ASPHD1: variants seen among roughly 807,000 people sequenced by gnomAD.
ASPHD1 encodes the protein aspartate beta-hydroxylase domain-containing protein 1.
In ASPHD1, 20 loss-of-function variants were observed where a neutral mutation model predicts 28.3. That is an observed-to-expected ratio of 0.71 (90% CI 0.50 to 1.03). The LOEUF is 1.03. Ranked by LOEUF, ASPHD1 falls within the 50% of genes least tolerant of loss-of-function variation. The probability of loss-of-function intolerance (pLI) is 0.00; values close to 1 mark genes in which losing one functional copy is unlikely to be tolerated. For missense variants in ASPHD1, 479 were observed against 524.1 expected (o/e 0.91, Z 0.84); for synonymous variants, 240 against 221.2 (o/e 1.08, Z -0.75).
intron 3 of ASPHD1, among the ~76,000 whole-genome samples, chr16:29,915,957 TTAAGTG>T (rs2150839588): frequency 6.6e-6 from 1 of 152,282 alleles, no homozygotes; most frequent in African/African-American, 2.4e-5. Flanking sequence ...TCTTTTTCAT[TTAAGTG>T]TTTTTTTTCT....
intron 3 of ASPHD1, chr16:29,912,058 G>A (rs200337695): frequency 1.1e-5 from 17 of 1,585,634 alleles, no homozygotes; most frequent in Non-Finnish European, 1.5e-5. Context: ...TGCTGGGGAA[G>A]AAGCGGAAGG....
At chr16:29,911,127 G>A in intron 3 of ASPHD1, 1 of 1,614,176 alleles carries the variant, frequency 6.2e-7, no homozygotes, top group Non-Finnish European at 8.5e-7. Flanking sequence ...CGCAGGGCCA[G>A]CTTGTCGAAC....
chr16:29,911,041 G>A (rs759768313), downstream of ASPHD1: 3 of 1,614,164 alleles, frequency 1.9e-6, no homozygotes, highest in Non-Finnish European at 2.5e-6. Flanking sequence ...CGATTTTGCG[G>A]CCCTGCCCGT....
intron 2 of ASPHD1, 82 bp downstream of exon 2, chr16:29,905,047 C>G: frequency 9.9e-7 from 1 of 1,005,786 alleles, no homozygotes; most frequent in Non-Finnish European, 1.5e-6. Flanking sequence ...GAATCAGGCC[C>G]AACGGACTTC....
chr16:29,911,699 A>G, intron 3 of ASPHD1: 1 of 1,096,788 alleles, frequency 9.1e-7, no homozygotes, highest in Non-Finnish European at 1.3e-6. Flanking sequence ...CGAATCTGCG[A>G]GCAGGCACAG....
At chr16:29,910,943 C>A, downstream of ASPHD1, 2 of 1,590,778 alleles carry the variant, frequency 1.3e-6, no homozygotes, top group South Asian at 2.3e-5. Flanking sequence ...CTGGCCACCC[C>A]CAGCCCCCAA....
At chr16:29,919,559 C>T (rs556162373) in exon 4 of ASPHD1, 1 of 152,248 alleles carries the variant, frequency 6.6e-6, no homozygotes, top group South Asian at 2.1e-4. Flanking sequence ...AAGATCTAGA[C>T]TGGACCCTGG....
rs1597001502 is a variant in ASPHD1 at position 29,900,716 on chromosome 16, T to G, written c.-256T>G. 3.6e-6 allele frequency: 2 copies of G among 557,978 alleles called. No homozygotes were observed. Among genetic ancestry groups the G allele is most frequent in the Non-Finnish European group, 6.3e-6 (2 of 315,872 alleles). 34.6% of individuals were successfully genotyped at this position (557,978 alleles called of 1,614,324 possible). Reference sequence around the variant, plus strand: ...GCCGCGGAGGAAGACAGGCTGCGGGTTCCCGGGACTGCAGGTCCAGGCAGG... The same window carrying G: ...GCCGCGGAGGAAGACAGGCTGCGGGGTCCCGGGACTGCAGGTCCAGGCAGG... On this transcript the variant is annotated 5_prime_UTR_variant, in exon 1 of 3. Transcript: ENST00000308748.
At chr16:29,902,154 C>A (rs904720428) in intron 1 of ASPHD1, among the ~76,000 whole-genome samples, 2 of 152,198 alleles carry the variant, frequency 1.3e-5, no homozygotes, top group Non-Finnish European at 2.9e-5. Flanking sequence ...GGCTCTCCCC[C>A]CGACCTTTTG....
chr16:29,904,878 C>A lies in ASPHD1; in HGVS notation c.976C>A (p.Leu326Met). Residue 326 changes from leucine to methionine, a missense_variant, in exon 2 of 3, where the codon CTG becomes ATG. By Grantham distance (15) the Leu-to-Met change is conservative. Coordinates refer to ENST00000308748, the MANE Select transcript of ASPHD1 (RefSeq NM_181718.4). ...CCTAAAGATCCCTCCTGGCTGTGAG[C>A]TGGTGGTCGGCGGTGAGCCCCAGTG... ...LGLKIPPGCELVVGGEPQCWA... is the reference protein window; with the variant it reads ...LGLKIPPGCEMVVGGEPQCWA... The A allele has an allele frequency of 6.2e-7, 1 of 1,612,760 alleles. No individual in the cohort carries two copies. Among genetic ancestry groups the A allele is most frequent in the Non-Finnish European group, 8.5e-7 (1 of 1,179,608 alleles).
At chr16:29,911,839 C>T in intron 3 of ASPHD1, 1 of 1,612,686 alleles carries the variant, frequency 6.2e-7, no homozygotes, top group Non-Finnish European at 8.5e-7. Context: ...CTTGTTGTTA[C>T]TGCGGTTGTG....
rs765062678 is a variant in ASPHD1, at chr16:29,901,964, T to C, written c.949+44T>C. ...CTGACAACCTCCTTGCCTCGATGAT[T>C]TCCCCCCCAGACCCTTCTCTCCGCC... On this transcript the variant is annotated intron_variant, in intron 1 of 2. Coordinates refer to ENST00000308748, the MANE Select transcript of ASPHD1 (RefSeq NM_181718.4). The surrounding 1 kb of genome is among the most constrained non-coding windows in gnomAD (Gnocchi z 5.1). 1.4e-6 allele frequency: 2 copies of C among 1,404,508 alleles called. No homozygotes were observed. Among genetic ancestry groups the C allele is most frequent in the East Asian group, 5.4e-5 (2 of 37,280 alleles). The allele number at this position is 1,404,508 out of a possible 1,614,324, so 87.0% of individuals were successfully genotyped here. A position where few individuals can be genotyped will look rare whatever the true frequency, so the allele number is the denominator to read the frequency against.
chr16:29,900,445 GT>G (rs2068523644), upstream of ASPHD1: 1 of 158,742 alleles, frequency 6.3e-6, no homozygotes, highest in Admixed American at 5.9e-5. Flanking sequence ...GGCGGGGGGG[GT>G]GGGGAGGCAC....
chr16:29,900,840 G>A lies in ASPHD1; in HGVS notation c.-132G>A. The A allele has an allele frequency of 1.3e-6, 1 of 789,646 alleles. No individual in the cohort carries two copies. The highest frequency in any genetic ancestry group is 2.0e-6 in the Non-Finnish European group (1 of 494,488). 48.9% of individuals were successfully genotyped at this position (789,646 alleles called of 1,614,324 possible). A position where few individuals can be genotyped will look rare whatever the true frequency, so the allele number is the denominator to read the frequency against. ...AAGGGGGAGATTGAGGTGGGAGAGA[G>A]AAGCAGAGCGAGAGAGAGGAGGCTG... is the stretch of plus-strand genomic sequence containing the variant. On this transcript the variant is annotated 5_prime_UTR_variant, in exon 1 of 3. Coordinates refer to ENST00000308748, the MANE Select transcript of ASPHD1 (RefSeq NM_181718.4).
intron 3 of ASPHD1, chr16:29,911,876 G>A: frequency 2.5e-6 from 4 of 1,612,200 alleles, no homozygotes; most frequent in Non-Finnish European, 3.4e-6. Flanking sequence ...GGCTGGCGGG[G>A]GAGAGAGGAT....
chr16:29,909,311 G>A (rs1328201625), downstream of ASPHD1, among the ~76,000 whole-genome samples: 2 of 152,158 alleles, frequency 1.3e-5, no homozygotes, highest in African/African-American at 4.8e-5. Context: ...CTTAGCTTGA[G>A]TCTTAAGATT....
At chr16:29,912,149 T>C (rs1041224138) in intron 3 of ASPHD1, 45 of 774,126 alleles carry the variant, frequency 5.8e-5, no homozygotes, top group Non-Finnish European at 6.6e-6. Context: ...TCCAGACTCC[T>C]CAGTGGTCCG....
intron 2 of ASPHD1, among the ~76,000 whole-genome samples, 150 bp from the exon 3 acceptor site, chr16:29,905,629 GAAAAAAAAA>G (rs770029376): frequency 8.0e-5 from 4 of 49,766 alleles, no homozygotes; most frequent in Non-Finnish European, 1.7e-4. Flanking sequence ...TCCATCTCAG[GAAAAAAAAA>G]AAAAAAAAAA....
rs898871544 is a variant in ASPHD1 at position 29,901,518 on chromosome 16, G to C, written c.547G>C (p.Gly183Arg). The C allele has an allele frequency of 1.3e-6, 2 of 1,589,450 alleles. No individual in the cohort carries two copies. The highest frequency in any genetic ancestry group is 2.7e-5 in the African/African-American group (2 of 74,288). Residue 183 changes from glycine (G) to arginine (R), a missense_variant, in exon 1 of 3, where the codon GGT becomes CGT. Transcript: ENST00000308748. This position sits in a 1 kb window ranked among gnomAD's most constrained non-coding sequence, Gnocchi z 5.1. ...CCCTGGGAGAGGGCCAGGGGTCCTA[G>C]GTATTCAGCGCCCAGGCCTGCTTTT... ...PGPGRGPGVL[G>R]IQRPGLLFLP...
Sources: gnomAD v4.1 joint callset for allele counts (sites outside exome capture counted in the v4.1 genomes callset) on GRCh38, gnomAD v4.1.1 for gene constraint, Gnocchi (gnomAD v3.1) non-coding constraint, MANE v1.5 for transcripts, NCBI Gene and HGNC (gene_info 2026-07-23, HGNC 2026-07-21) for gene names.